The following FRMD3 variants were observed in gnomAD, a reference collection of about 807,000 sequenced individuals.
FRMD3 encodes the protein FERM domain containing 3, also known as FERM domain-containing protein 3.
FRMD3 carries 33 observed loss-of-function variants against 70.2 expected under a neutral mutation model. The ratio of observed to expected loss-of-function variants is 0.47; its 90% CI spans 0.36 to 0.63. The LOEUF (loss-of-function observed/expected upper bound fraction) is 0.63. FRMD3 is among the 20% of genes least tolerant of loss of function. The probability of loss-of-function intolerance (pLI) is 0.00; values close to 1 mark genes in which losing one functional copy is unlikely to be tolerated. For synonymous variants in FRMD3, 279 were observed against 255.9 expected (o/e 1.09, Z -0.86); for missense variants, 632 against 711.4 (o/e 0.89, Z 1.27).
At chr9:83,504,710 C>A (rs981191941) in intron 1 of FRMD3, among the ~76,000 whole-genome samples, 5 of 152,118 alleles carry the variant, frequency 3.3e-5, no homozygotes, top group African/African-American at 1.2e-4. Context: ...ATCCTCTAAT[C>A]CCCCTTACTC....
intron 5 of FRMD3, among the ~76,000 whole-genome samples, chr9:83,340,543 G>T (rs1272701525): frequency 6.6e-6 from 1 of 152,194 alleles, no homozygotes; most frequent in Non-Finnish European, 1.5e-5. Context: ...TTCTACAGGG[G>T]TTGAACATAC....
At chr9:83,331,570 T>C (rs1190349924) in intron 6 of FRMD3, among the ~76,000 whole-genome samples, 1 of 152,210 alleles carries the variant, frequency 6.6e-6, no homozygotes, top group African/African-American at 2.4e-5. Flanking sequence ...GAGTGAACTC[T>C]AATGTAAACT....
chr9:83,336,145 A>G (rs1823569926), intron 5 of FRMD3, among the ~76,000 whole-genome samples: 1 of 152,152 alleles, frequency 6.6e-6, no homozygotes, highest in African/African-American at 2.4e-5. Context: ...AATTAGAAAC[A>G]ACGTATTGTA....
intron 7 of FRMD3, among the ~76,000 whole-genome samples, chr9:83,312,773 G>A (rs1169736055): frequency 1.3e-4 from 10 of 75,344 alleles, no homozygotes; most frequent in Admixed American, 5.0e-4. Context: ...GCCCCGCCCC[G>A]CCCTCCTCCC....
At chr9:83,487,379 G>A (rs1253702684) in intron 1 of FRMD3, among the ~76,000 whole-genome samples, 1 of 152,128 alleles carries the variant, frequency 6.6e-6, no homozygotes, top group Non-Finnish European at 1.5e-5. Context: ...CACAGAATAA[G>A]AAAGAGCTTA....
intron 1 of FRMD3, among the ~76,000 whole-genome samples, chr9:83,517,481 T>G (rs919632654): frequency 5.9e-5 from 5 of 85,246 alleles, no homozygotes; most frequent in African/African-American, 2.6e-4. Flanking sequence ...CAGTAACTAA[T>G]AGCCTACCAA....
At chr9:83,471,618 C>T (rs1828271679) in intron 1 of FRMD3, among the ~76,000 whole-genome samples, 1 of 152,140 alleles carries the variant, frequency 6.6e-6, no homozygotes, top group African/African-American at 2.4e-5. Context: ...AGGGACTCAT[C>T]CTCTCCCTGG....
intron 1 of FRMD3, among the ~76,000 whole-genome samples, chr9:83,410,070 C>T (rs1826236846): frequency 6.6e-6 from 1 of 152,206 alleles, no homozygotes; most frequent in African/African-American, 2.4e-5. Context: ...CTGTGTCTTA[C>T]TGCTTTTTAG....
chr9:83,263,540 A>T (rs1833088123), intron 13 of FRMD3, among the ~76,000 whole-genome samples: 1 of 152,258 alleles, frequency 6.6e-6, no homozygotes, highest in Admixed American at 6.5e-5. Flanking sequence ...GGAACATTAC[A>T]AAGAATTATC....
chr9:83,419,798 A>T (rs1396123210), intron 1 of FRMD3, among the ~76,000 whole-genome samples: 1 of 152,222 alleles, frequency 6.6e-6, no homozygotes, highest in Non-Finnish European at 1.5e-5. Flanking sequence ...CCAAATCAAC[A>T]ACCCTAACTC....
chr9:83,456,387 A>G (rs1008738696), intron 1 of FRMD3, among the ~76,000 whole-genome samples: 1 of 152,188 alleles, frequency 6.6e-6, no homozygotes, highest in African/African-American at 2.4e-5. Context: ...ACATTTCACA[A>G]TGTTCAAGAA....
chr9:83,513,292 A>G (rs1291412961), intron 1 of FRMD3, among the ~76,000 whole-genome samples: 1 of 152,226 alleles, frequency 6.6e-6, no homozygotes, highest in Non-Finnish European at 1.5e-5. Context: ...TTCTGGAAGG[A>G]AAAAGGAAAT....
intron 13 of FRMD3, among the ~76,000 whole-genome samples, chr9:83,256,034 A>G (rs974388390): frequency 1.1e-4 from 17 of 152,204 alleles, no homozygotes; most frequent in African/African-American, 3.9e-4. Flanking sequence ...TAAAATTCGT[A>G]TGGAACCAAA....
At chr9:83,287,652 C>T (rs545208208) in intron 13 of FRMD3, among the ~76,000 whole-genome samples, 6 of 152,346 alleles carry the variant, frequency 3.9e-5, no homozygotes, top group African/African-American at 1.4e-4. Flanking sequence ...GCAGGTGAAA[C>T]AGACCACTCC....
intron 2 of FRMD3, among the ~76,000 whole-genome samples, chr9:83,379,703 C>G (rs1021554478): frequency 6.6e-6 from 1 of 152,162 alleles, no homozygotes; most frequent in Non-Finnish European, 1.5e-5. Flanking sequence ...GAAGGATGCC[C>G]TCAGTTTACT....
At chr9:83,293,413 C>T (rs1376475565) in intron 12 of FRMD3, among the ~76,000 whole-genome samples, 1 of 152,164 alleles carries the variant, frequency 6.6e-6, no homozygotes, top group African/African-American at 2.4e-5. Context: ...AATTGCTCTA[C>T]TCCACCTCTG....
intron 3 of FRMD3, among the ~76,000 whole-genome samples, chr9:83,358,512 T>G (rs1824477981): frequency 6.6e-6 from 1 of 152,134 alleles, no homozygotes. Flanking sequence ...AATTTGTAAA[T>G]TGCCTTCGGC....
At chr9:83,305,076 T>TA in intron 10 of FRMD3, among the ~76,000 whole-genome samples, 1 of 152,138 alleles carries the variant, frequency 6.6e-6, no homozygotes, top group South Asian at 2.1e-4. Flanking sequence ...GCAGGTGAAG[T>TA]AAAAATGGAA....
At chr9:83,508,659 G>A (rs577740129) in intron 1 of FRMD3, among the ~76,000 whole-genome samples, 1 of 151,968 alleles carries the variant, frequency 6.6e-6, no homozygotes, top group African/African-American at 2.4e-5. Context: ...TGCTCTCCCT[G>A]CCCCCACCCC....
Sources: gnomAD v4.1 joint callset for allele counts (sites outside exome capture counted in the v4.1 genomes callset) on GRCh38, gnomAD v4.1.1 for gene constraint, MANE v1.5 for transcripts, NCBI Gene and HGNC (gene_info 2026-07-23, HGNC 2026-07-21) for gene names.